AKAP19: variants seen among roughly 807,000 people sequenced by gnomAD.
AKAP19 encodes the protein A-kinase anchoring protein 19, also known as small A-kinase anchoring protein.
the AKAP19 span, among the ~76,000 whole-genome samples, chr2:190,161,567 T>G: frequency 6.6e-6 from 1 of 152,184 alleles, no homozygotes; most frequent in African/African-American, 2.4e-5. Flanking sequence ...ATATCCTTCT[T>G]TTTTATTTTT....
At chr2:189,902,924 C>G in the AKAP19 span, among the ~76,000 whole-genome samples, 1 of 151,018 alleles carries the variant, frequency 6.6e-6, no homozygotes, top group Non-Finnish European at 1.5e-5. Context: ...TTAATAATCT[C>G]TTAAAGAGAT....
chr2:189,896,087 G>A, the AKAP19 span, among the ~76,000 whole-genome samples: 13 of 151,446 alleles, frequency 8.6e-5, no homozygotes, highest in African/African-American at 2.9e-4. Context: ...TGTTCTTTCA[G>A]TATATTAATA....
At chr2:189,885,215 G>A in the AKAP19 span, among the ~76,000 whole-genome samples, 3 of 152,150 alleles carry the variant, frequency 2.0e-5, no homozygotes, top group East Asian at 5.8e-4. Flanking sequence ...GATTATAACA[G>A]ACGTGATGCC....
chr2:190,180,287 C>G, the AKAP19 span, among the ~76,000 whole-genome samples: 4,999 of 152,286 alleles, frequency 0.033, 169 homozygotes, highest in East Asian at 0.14. The surrounding 1 kb of genome is among the most constrained non-coding windows in gnomAD (Gnocchi z 6.8). Context: ...CTGGGAAGGC[C>G]GCGGCCAGGC....
At chr2:190,028,681 G>A in the AKAP19 span, among the ~76,000 whole-genome samples, 2 of 152,064 alleles carry the variant, frequency 1.3e-5, no homozygotes, top group Non-Finnish European at 2.9e-5. Context: ...CATAAAAATG[G>A]TAAAGTATAC....
the AKAP19 span, among the ~76,000 whole-genome samples, chr2:190,043,249 G>A: frequency 6.6e-6 from 1 of 152,130 alleles, no homozygotes; most frequent in African/African-American, 2.4e-5. Flanking sequence ...CTTTAGCAAG[G>A]TTGTGGAAGT....
chr2:189,939,356 G>T, the AKAP19 span, among the ~76,000 whole-genome samples: 2 of 152,168 alleles, frequency 1.3e-5, no homozygotes, highest in African/African-American at 2.4e-5. Flanking sequence ...TACTAGAAAT[G>T]AGGCAAATCT....
chr2:190,185,167 ACT>A, the AKAP19 span, among the ~76,000 whole-genome samples: 2 of 151,966 alleles, frequency 1.3e-5, no homozygotes, highest in East Asian at 3.9e-4. Context: ...AGCACTTAAC[ACT>A]CTTTTATTAA....
the AKAP19 span, among the ~76,000 whole-genome samples, chr2:190,081,839 C>T: frequency 6.6e-6 from 1 of 152,120 alleles, no homozygotes; most frequent in Admixed American, 6.5e-5. Flanking sequence ...AAATCCTAAG[C>T]ACCCCCCATT....
the AKAP19 span, among the ~76,000 whole-genome samples, chr2:190,039,000 CTT>C: frequency 8.5e-6 from 1 of 117,540 alleles, no homozygotes; most frequent in Admixed American, 8.2e-5. Context: ...TCTTTCTTCT[CTT>C]CTTCTTCCTC....
the AKAP19 span, among the ~76,000 whole-genome samples, chr2:190,185,768 A>G: frequency 6.6e-6 from 1 of 152,176 alleles, no homozygotes; most frequent in African/African-American, 2.4e-5. Flanking sequence ...CAAAATCCTA[A>G]ATTACTGTTG....
the AKAP19 span, among the ~76,000 whole-genome samples, chr2:189,937,962 T>C: frequency 1.2e-4 from 18 of 152,338 alleles, no homozygotes; most frequent in East Asian, 2.9e-3. Context: ...TGCATTCCCA[T>C]GTTTGTTGCA....
the AKAP19 span, among the ~76,000 whole-genome samples, chr2:190,010,634 A>G: frequency 2.0e-5 from 3 of 152,234 alleles, no homozygotes; most frequent in Admixed American, 6.5e-5. Context: ...CTGTGGTTGT[A>G]TAGAAAATAT....
At chr2:190,159,123 G>A in the AKAP19 span, among the ~76,000 whole-genome samples, 3 of 152,204 alleles carry the variant, frequency 2.0e-5, no homozygotes, top group Non-Finnish European at 2.9e-5. Context: ...GCTGGGATTA[G>A]GCACTTGCCT....
chr2:189,988,418 T>C, the AKAP19 span, among the ~76,000 whole-genome samples: 1 of 152,206 alleles, frequency 6.6e-6, no homozygotes, highest in Non-Finnish European at 1.5e-5. Context: ...CTTTCATTTG[T>C]TTTACAAGAA....
At chr2:189,881,522 A>G in the AKAP19 span, among the ~76,000 whole-genome samples, 2 of 152,214 alleles carry the variant, frequency 1.3e-5, no homozygotes, top group South Asian at 4.1e-4. Context: ...GAAAATCTAT[A>G]TAGGCCACAT....
chr2:190,008,759 CACACACACACA>C, the AKAP19 span, among the ~76,000 whole-genome samples: 2 of 119,556 alleles, frequency 1.7e-5, no homozygotes, highest in African/African-American at 5.2e-5. Context: ...CACACACACA[CACACACACACA>C]CCCACCTGGT....
chr2:190,088,937 G>A, the AKAP19 span, among the ~76,000 whole-genome samples: 6 of 152,200 alleles, frequency 3.9e-5, no homozygotes, highest in Admixed American at 6.5e-5. Context: ...TGTCCTCTAA[G>A]CGTTCTCCCA....
chr2:189,887,557 A>G, the AKAP19 span, among the ~76,000 whole-genome samples: 1 of 152,046 alleles, frequency 6.6e-6, no homozygotes, highest in African/African-American at 2.4e-5. Flanking sequence ...ACTGTTCCAC[A>G]ATGATTGAAC....
Sources: gnomAD v4.1 joint callset for allele counts (sites outside exome capture counted in the v4.1 genomes callset) on GRCh38, gnomAD v4.1.1 for gene constraint, Gnocchi (gnomAD v3.1) non-coding constraint, MANE v1.5 for transcripts, NCBI Gene and HGNC (gene_info 2026-07-23, HGNC 2026-07-21) for gene names.